Variants in SLC4A9 observed in about 807,000 individuals in gnomAD.
SLC4A9 encodes the protein anion exchange protein 4.
In SLC4A9, 102 loss-of-function variants were observed where a neutral mutation model predicts 103.2. The ratio of observed to expected loss-of-function variants is 0.99; its 90% CI spans 0.84 to 1.17. SLC4A9 has a LOEUF of 1.17. Among genes scored for constraint, SLC4A9 ranks in the 50% most tolerant of loss-of-function variants. The probability of loss-of-function intolerance (pLI) is 0.00; values close to 1 mark genes in which losing one functional copy is unlikely to be tolerated. For missense variants in SLC4A9, 1,091 were observed against 1,193.7 expected (o/e 0.91, Z 1.27); for synonymous variants, 453 against 483.6 (o/e 0.94, Z 0.83).
chr5:140,368,554 CA>C, intron 16 of SLC4A9, 32 bp from the exon 17 acceptor site: 1 of 1,601,950 alleles, frequency 6.2e-7, no homozygotes, highest in Non-Finnish European at 8.5e-7. Context: ...GGGACTCTCC[CA>C]GACCTCAGCT....
Position 140,371,718 on chromosome 5 carries a change from C to T in SLC4A9, c.2670+94C>T. 2 of 1,377,746 alleles carry T rather than the reference C, an allele frequency of 1.5e-6. 1 individual carries two copies. The highest frequency in any genetic ancestry group is 2.6e-5 in the South Asian group (2 of 78,274). The allele number at this position is 1,377,746 out of a possible 1,614,324, so 85.3% of individuals were successfully genotyped here. ...AAGGCCTCCACGAGAGGAAGAATCT[C>T]CCCTCTCACTCGCTGTGGCTCTCCC... is the stretch of plus-strand genomic sequence containing the variant. On this transcript the variant is annotated intron_variant, in intron 19 of 21. Transcript: ENST00000506757.
chr5:140,370,361 G>A (rs1220152026), intron 17 of SLC4A9, among the ~76,000 whole-genome samples: 2 of 151,780 alleles, frequency 1.3e-5, no homozygotes, highest in African/African-American at 4.8e-5. Context: ...CTACTTGGGA[G>A]GCTGAGGTAT....
At chr5:140,362,578 CTG>C (rs145912860) in intron 6 of SLC4A9, 46 bp downstream of exon 6, 119 of 1,534,104 alleles carry the variant, frequency 7.8e-5, no homozygotes, top group South Asian at 2.6e-4. Context: ...GCGTGCATGC[CTG>C]TGTGTGTGTG....
chr5:140,372,130 G>A (rs1038231276), intron 19 of SLC4A9, 112 bp from the exon 20 acceptor site: 1 of 982,756 alleles, frequency 1.0e-6, no homozygotes, highest in African/African-American at 1.7e-5. Flanking sequence ...CTAGCATTCA[G>A]TGAAACTGAT....
chr5:140,367,427 T>G lies in SLC4A9; in HGVS notation c.2021T>G (p.Leu674Arg), dbSNP rs1768042933. 6.2e-7 allele frequency: 1 copy of G among 1,611,888 alleles called. No individual in the cohort carries two copies. The highest frequency in any genetic ancestry group is 8.5e-7 in the Non-Finnish European group (1 of 1,179,250). The change falls in exon 15 of 22, where the codon CTC (leucine) becomes CGC (arginine). Residue 674 changes from leucine to arginine, a missense_variant. Transcript: ENST00000506757. ...TGAAATGCCCTCCTCCAGCCCACACTCCCTGGGCGTGGCTGGCTGGTGTCA... is the reference window on the plus strand; with the variant it reads ...TGAAATGCCCTCCTCCAGCCCACACGCCCTGGGCGTGGCTGGCTGGTGTCA... ...LMVPREFKPT[L>R]PGRGWLVSPF...
chr5:140,360,423 C>A lies in SLC4A9; in HGVS notation c.187C>A (p.Leu63Met). 6.3e-7 allele frequency: 1 copy of A among 1,593,896 alleles called. No individual in the cohort carries two copies. The highest frequency in any genetic ancestry group is 1.1e-5 in the South Asian group (1 of 87,690). Residue 63 changes from leucine (L) to methionine (M), a missense_variant, in exon 1 of 22, where the codon CTG (leucine) becomes ATG (methionine). By Grantham distance (15) the Leu-to-Met change is conservative (BLOSUM62 2). Coordinates refer to ENST00000506757, the MANE Select transcript of SLC4A9 (RefSeq NM_031467.3). ...DPLLFIQLNE[L>M]LGWPQALEWR... ...TCTGCTCTTCATTCAGCTGAATGAG[C>A]TGCTGGGCTGGCCCCAGGCGCTGGA... is the stretch of plus-strand genomic sequence containing the variant.
In SLC4A9 at chr5:140,367,784, T is replaced by A. The variant is rs1768112812; in HGVS notation, c.2240T>A (p.Leu747His). 6.2e-7 allele frequency: 1 copy of A among 1,613,974 alleles called. No homozygotes were observed. The highest frequency in any genetic ancestry group is 1.3e-5 in the African/African-American group (1 of 75,044). Residue 747 changes from leucine to histidine, a missense_variant, in exon 16 of 22, where the codon CTT becomes CAT. Physicochemically the swap from Leu to His is moderately conservative, Grantham distance 99 (BLOSUM62 -3). Transcript: ENST00000506757. ...GTGCTGATGCTACTCACATCAGCGCTTGGACTGCCTTGGTATGTCTCAGCC... is the reference window on the plus strand; with the variant it reads ...GTGCTGATGCTACTCACATCAGCGCATGGACTGCCTTGGTATGTCTCAGCC... ...VAVLMLLTSALGLPWYVSATV... is the reference protein window; with the variant it reads ...VAVLMLLTSAHGLPWYVSATV...
chr5:140,373,209 C>A (rs75441907), intron 21 of SLC4A9, among the ~76,000 whole-genome samples: 1 of 152,166 alleles, frequency 6.6e-6, no homozygotes, highest in East Asian at 1.9e-4. Flanking sequence ...GAAGGCTCCC[C>A]CCTTAGGCTG....
At chr5:140,366,558 T>A (rs1188545420) in intron 14 of SLC4A9, among the ~76,000 whole-genome samples, 1 of 152,206 alleles carries the variant, frequency 6.6e-6, no homozygotes, top group African/African-American at 2.4e-5. Flanking sequence ...TTCCCAGCTA[T>A]GCATTAGGCA....
Position 140,363,095 on chromosome 5 carries a change from T to TATA in SLC4A9, c.962+29_962+30insATA. 1 of 1,604,760 alleles carries TATA rather than the reference T, an allele frequency of 6.2e-7. No individual in the cohort carries two copies. The highest frequency in any genetic ancestry group is 8.5e-7 in the Non-Finnish European group (1 of 1,177,648). ...CCTGGGAGCCATCATCCCATACAGATTCCTGCCCATATAGGCCCTGGGTCT... is the reference window on the plus strand; with the variant it reads ...CCTGGGAGCCATCATCCCATACAGATATATCCTGCCCATATAGGCCCTGGGTCT... On this transcript the variant is annotated intron_variant, in intron 7 of 21. Coordinates refer to ENST00000506757, the MANE Select transcript of SLC4A9 (RefSeq NM_031467.3). The surrounding 1 kb of genome is among the most constrained non-coding windows in gnomAD (Gnocchi z 4.5).
chr5:140,368,552 C>A, intron 16 of SLC4A9, 35 bp from the exon 17 acceptor site: 2 of 1,598,974 alleles, frequency 1.3e-6, no homozygotes, highest in South Asian at 1.1e-5. Context: ...CAGGGACTCT[C>A]CCAGACCTCA....
rs757100942 is a variant in SLC4A9, at chr5:140,364,120, C to G, written c.1321C>G (p.Pro441Ala). Residue 441 changes from proline to alanine, a missense_variant, in exon 10 of 22, where the codon CCC becomes GCC. Pro to Ala is a conservative substitution (Grantham distance 27). Coordinates refer to ENST00000506757, the MANE Select transcript of SLC4A9 (RefSeq NM_031467.3). ...GAAFCLMAGQ[P>A]LTILSSTGPV... is the part of the protein sequence containing the mutation. ...TGCCTTCTGCCTGATGGCAGGCCAG[C>G]CCCTCACCATTCTGAGCAGCACGGG... The G allele has an allele frequency of 3.8e-6, 6 of 1,593,162 alleles. No individual in the cohort carries two copies. The highest frequency in any genetic ancestry group is 5.1e-6 in the Non-Finnish European group (6 of 1,169,502).
At chr5:140,368,747 G>A in intron 17 of SLC4A9, 88 bp downstream of exon 17, 2 of 1,109,640 alleles carry the variant, frequency 1.8e-6, no homozygotes, top group East Asian at 5.2e-5. Flanking sequence ...TACTTACAGT[G>A]TGCCAGGTGC....
intron 15 of SLC4A9, 45 bp from the exon 16 acceptor site, chr5:140,367,675 G>C (rs747790779): frequency 1.2e-6 from 2 of 1,610,306 alleles, no homozygotes; most frequent in East Asian, 4.5e-5. Context: ...AGAGGGCTGG[G>C]GCCTGGGCTA....
In SLC4A9 at chr5:140,361,345, C is replaced by G; in HGVS notation, c.483C>G (p.Thr161=). Residue 161 remains threonine (T), a synonymous_variant, in exon 3 of 22, where the codon ACC becomes ACG. Coordinates refer to ENST00000506757, the MANE Select transcript of SLC4A9 (RefSeq NM_031467.3). ...LLQRPQHYNQ[T]TGTRPCWGST... ...AGAGACCCCAGCATTACAACCAGAC[C>G]ACAGGCACCAGGCCCTGCTGGGGTG... is the stretch of plus-strand genomic sequence containing the variant. 6.4e-7 allele frequency: 1 copy of G among 1,559,670 alleles called. No individual in the cohort carries two copies. The highest frequency in any genetic ancestry group is 1.2e-5 in the South Asian group (1 of 84,412).
At chr5:140,365,673 C>A (rs1767773057) in intron 12 of SLC4A9, 95 bp downstream of exon 12, 2 of 1,459,006 alleles carry the variant, frequency 1.4e-6, no homozygotes, top group Non-Finnish European at 1.9e-6. Flanking sequence ...GTTAAGGAAA[C>A]CTTCATAGGT....
At position 140,366,151 on chromosome 5, in the gene SLC4A9, G is replaced by T; in HGVS notation, c.1900G>T (p.Val634Leu). The T allele has an allele frequency of 6.2e-7, 1 of 1,613,246 alleles. No individual in the cohort carries two copies. The change falls in exon 14 of 22, where the codon GTG (valine) becomes TTG (leucine). Residue 634 changes from valine (V) to leucine (L), a missense_variant and splice_region_variant. Coordinates refer to ENST00000506757, the MANE Select transcript of SLC4A9 (RefSeq NM_031467.3). ...VKTSRFFPSVVRKGLSDFSSV... is the reference protein window; with the variant it reads ...VKTSRFFPSVLRKGLSDFSSV... ...TGACTGAGTGTCCACTGTGTGCCAG[G>T]TGCGCAAAGGGCTCAGCGACTTCTC...
rs537077642 is a variant in SLC4A9 at position 140,372,788 on chromosome 5, C to G, written c.2870C>G (p.Ser957Cys). ...YQPKAPEINI[S>C]VN ...CCAAAGGCTCCAGAAATCAACATTT[C>G]TGTGAATTAGCTGGAGTAGGAGTCT... The change falls in exon 21 of 22, where the codon TCT becomes TGT. Residue 957 changes from serine to cysteine, a missense_variant. Ser to Cys is a moderately radical substitution (Grantham distance 112). Transcript: ENST00000506757. 2.6e-4 allele frequency: 405 copies of G among 1,573,576 alleles called. 3 individuals carry two copies. In the South Asian group the frequency reaches 4.6e-3, roughly 18 times the overall value.
chr5:140,371,496 C>T lies in SLC4A9; in HGVS notation c.2542C>T (p.Pro848Ser). The part of the protein sequence containing the change: ...KLLLMPAKHQ[P>S]DLLLLRHVPL... ...GTTGTTGATGCCAGCAAAACACCAG[C>T]CAGACCTGCTACTCTTGCGGCATGT... Residue 848 changes from proline to serine, a missense_variant, in exon 19 of 22, where the codon CCA becomes TCA. Transcript: ENST00000506757. 1 of 1,614,054 alleles carries T rather than the reference C, an allele frequency of 6.2e-7. No homozygotes were observed. Among genetic ancestry groups the T allele is most frequent in the Non-Finnish European group, 8.5e-7 (1 of 1,179,898 alleles).
Sources: allele counts gnomAD v4.1 joint callset (sites outside exome capture counted in the v4.1 genomes callset), GRCh38; gene constraint gnomAD v4.1.1; non-coding constraint Gnocchi (gnomAD v3.1); transcripts MANE v1.5; gene names NCBI Gene and HGNC (gene_info 2026-07-23, HGNC 2026-07-21).